The following ZNF845 variants were observed in gnomAD, a reference collection of about 807,000 sequenced individuals.
ZNF845 encodes zinc finger protein 845.
ZNF845 carries 59 observed loss-of-function variants against 76.1 expected under a neutral mutation model. The observed-to-expected ratio is 0.78, with a 90% confidence interval of 0.63 to 0.96. The LOEUF is 0.96. ZNF845 is among the 40% of genes least tolerant of loss of function. The probability of loss-of-function intolerance (pLI) is 0.00; values close to 1 mark genes in which losing one functional copy is unlikely to be tolerated. For missense variants in ZNF845, 1,045 were observed against 1,172.8 expected (o/e 0.89, Z 1.59); for synonymous variants, 361 against 386.9 (o/e 0.93, Z 0.78).
intron 3 of ZNF845, among the ~76,000 whole-genome samples, chr19:53,347,839 G>A (rs1044543852): frequency 1.3e-5 from 2 of 152,134 alleles, no homozygotes; most frequent in African/African-American, 4.8e-5. Flanking sequence ...ATCACTTGAA[G>A]TCAGGAGTTT....
At chr19:53,346,435 C>T (rs1036758069) in intron 3 of ZNF845, 2 of 384,758 alleles carry the variant, frequency 5.2e-6, no homozygotes, top group East Asian at 1.0e-4. Context: ...AATCCCGGCA[C>T]TTTGGGAGGC....
At chr19:53,347,692 C>G (rs1329104802) in intron 3 of ZNF845, among the ~76,000 whole-genome samples, 1 of 152,154 alleles carries the variant, frequency 6.6e-6, no homozygotes, top group South Asian at 2.1e-4. Flanking sequence ...GATTTGTCAG[C>G]CTTCGGTGAT....
intron 3 of ZNF845, chr19:53,346,388 C>T: frequency 2.3e-6 from 1 of 427,188 alleles, no homozygotes; most frequent in South Asian, 1.6e-5. Context: ...CGCTCTCGTG[C>T]TCAAAAAATT....
chr19:53,339,732 C>T (rs140091637), intron 1 of ZNF845, among the ~76,000 whole-genome samples: 1 of 152,198 alleles, frequency 6.6e-6, no homozygotes, highest in African/African-American at 2.4e-5. Context: ...AGGGGACATA[C>T]TAGTATCACT....
At chr19:53,337,630 G>T (rs1181498209) in intron 1 of ZNF845, among the ~76,000 whole-genome samples, 1 of 151,938 alleles carries the variant, frequency 6.6e-6, no homozygotes, top group African/African-American at 2.4e-5. Flanking sequence ...GTGCAGTGGC[G>T]TAATCATGGT....
Position 53,354,259 on chromosome 19 carries a change from G to T in ZNF845, c.*671G>T. 2.1e-6 allele frequency: 1 copy of T among 478,596 alleles called. No homozygotes were observed. The highest frequency in any genetic ancestry group is 1.6e-5 in the South Asian group (1 of 62,834). The allele number at this position is 478,596 out of a possible 1,614,324, so 29.6% of individuals were successfully genotyped here. On this transcript the variant is annotated 3_prime_UTR_variant, in exon 4 of 4. Coordinates refer to ENST00000458035, the MANE Select transcript of ZNF845 (RefSeq NM_138374.3). ...CATTTTTGAGATGATTGTTCCAAAT[G>T]CAATGAGTATAGCAAACCATCAAGC...
rs1164786177 is a variant in ZNF845 at position 53,354,624 on chromosome 19, T to TA, written c.*1037dup. 6.5e-6 allele frequency: 1 copy of TA among 153,402 alleles called. No homozygotes were observed. Among genetic ancestry groups the TA allele is most frequent in the East Asian group, 1.9e-4 (1 of 5,202 alleles). The allele number at this position is 153,402 out of a possible 1,614,324, so 9.5% of individuals were successfully genotyped here. A position where few individuals can be genotyped will look rare whatever the true frequency, so the allele number is the denominator to read the frequency against. On this transcript the variant is annotated 3_prime_UTR_variant, in exon 4 of 4. Coordinates refer to ENST00000458035, the MANE Select transcript of ZNF845 (RefSeq NM_138374.3). ...AATATTAAGACTTCCAATCCATCAA[T>TA]ATGGGTTGTATGTCTATTTAGTTTT...
intron 2 of ZNF845, among the ~76,000 whole-genome samples, chr19:53,342,114 A>T (rs963413323): frequency 2.0e-5 from 3 of 150,432 alleles, no homozygotes; most frequent in Non-Finnish European, 1.5e-5. Context: ...ATATTATTAT[A>T]ATATTATTAT....
In ZNF845 at chr19:53,351,098, A is replaced by T. The variant is rs61743334; in HGVS notation, c.423A>T (p.Gly141=). The T allele has an allele frequency of 1.2e-6, 2 of 1,614,236 alleles. No homozygotes were observed. Among genetic ancestry groups the T allele is most frequent in the Non-Finnish European group, 1.7e-6 (2 of 1,180,040 alleles). Reference sequence around the variant, plus strand: ...ACAAGCCTATTAAAGATCAGCTTGGATCAAGCTTTCATTCGCATCTGCCTG... The same window carrying T: ...ACAAGCCTATTAAAGATCAGCTTGGTTCAAGCTTTCATTCGCATCTGCCTG... ...AGNKPIKDQL[G]SSFHSHLPEL... The change falls in exon 4 of 4, where the codon GGA becomes GGT. Residue 141 remains glycine (G), a synonymous_variant. Coordinates refer to ENST00000458035, the MANE Select transcript of ZNF845 (RefSeq NM_138374.3).
rs1336622117 is a variant in ZNF845 at position 53,353,951 on chromosome 19, C to A, written c.*363C>A. On this transcript the variant is annotated 3_prime_UTR_variant, in exon 4 of 4. Transcript: ENST00000458035. Reference sequence around the variant, plus strand: ...TAATAAATGTGGCAAATTTTTCAGACATTGTTCATACCTTGCAGTTCATCG... The same window carrying A: ...TAATAAATGTGGCAAATTTTTCAGAAATTGTTCATACCTTGCAGTTCATCG... 3 of 622,098 alleles carry A rather than the reference C, an allele frequency of 4.8e-6. No homozygotes were observed. Among genetic ancestry groups the A allele is most frequent in the Non-Finnish European group, 5.3e-6 (2 of 379,286 alleles). The allele number at this position is 622,098 out of a possible 1,614,324, so 38.5% of individuals were successfully genotyped here.
Position 53,351,842 on chromosome 19 carries a change from C to T in ZNF845, c.1167C>T (p.Ser389=). The change falls in exon 4 of 4, where the codon AGC becomes AGT. Residue 389 remains serine (S), a synonymous_variant. Coordinates refer to ENST00000458035, the MANE Select transcript of ZNF845 (RefSeq NM_138374.3). ...GEKPYKCNEC[S]RTFSRKSSLT... is the part of the protein sequence containing the mutation. ...AACCTTACAAGTGTAATGAATGCAG[C>T]AGGACCTTTAGTCGGAAGTCATCCC... 1 of 1,613,360 alleles carries T rather than the reference C, an allele frequency of 6.2e-7. No homozygotes were observed. The highest frequency in any genetic ancestry group is 2.2e-5 in the East Asian group (1 of 44,828).
intron 1 of ZNF845, chr19:53,340,906 C>T (rs1461639959): frequency 1.3e-5 from 5 of 391,298 alleles, no homozygotes; most frequent in East Asian, 3.7e-5. Context: ...TGCTGGAACT[C>T]GCTGGCCCCT....
intron 1 of ZNF845, chr19:53,337,040 C>T (rs2085220208): frequency 8.8e-6 from 4 of 453,920 alleles, no homozygotes; most frequent in South Asian, 6.2e-5. Flanking sequence ...AAGCCCAACT[C>T]CTCACTGTGG....
At chr19:53,347,505 G>C (rs1210779222) in intron 3 of ZNF845, among the ~76,000 whole-genome samples, 1 of 151,514 alleles carries the variant, frequency 6.6e-6, no homozygotes, top group Non-Finnish European at 1.5e-5. Context: ...GGTGCTGAAA[G>C]GATGGTGCTG....
intron 1 of ZNF845, among the ~76,000 whole-genome samples, chr19:53,334,143 C>A (rs1200397067): frequency 6.6e-6 from 1 of 152,204 alleles, no homozygotes; most frequent in Admixed American, 6.5e-5. Flanking sequence ...CTTAAGGCGC[C>A]GTCGCCCCCC....
At chr19:53,342,955 A>G (rs1191375116) in intron 2 of ZNF845, among the ~76,000 whole-genome samples, 2 of 152,074 alleles carry the variant, frequency 1.3e-5, no homozygotes, top group Admixed American at 6.6e-5. Flanking sequence ...AGTAGGTGAC[A>G]TTACAGGTGC....
chr19:53,337,838 T>A (rs2085226409), intron 1 of ZNF845, among the ~76,000 whole-genome samples: 1 of 143,952 alleles, frequency 6.9e-6, no homozygotes, highest in African/African-American at 3.0e-5. Flanking sequence ...AGTGCTAGGG[T>A]ACAGGTATGA....
chr19:53,342,913 G>GGT (rs983298953), intron 2 of ZNF845, among the ~76,000 whole-genome samples: 6 of 152,164 alleles, frequency 3.9e-5, no homozygotes, highest in African/African-American at 1.4e-4. Context: ...CTGCCTCCCA[G>GGT]GTTCAGGCGA....
At chr19:53,345,996 C>A (rs1294694905) in intron 3 of ZNF845, among the ~76,000 whole-genome samples, 6 of 151,818 alleles carry the variant, frequency 4.0e-5, no homozygotes, top group Non-Finnish European at 8.8e-5. Flanking sequence ...GGTGCCAACC[C>A]CCATACCTAA....
Sources: gnomAD v4.1 joint callset for allele counts (sites outside exome capture counted in the v4.1 genomes callset) on GRCh38, gnomAD v4.1.1 for gene constraint, MANE v1.5 for transcripts, NCBI Gene and HGNC (gene_info 2026-07-23, HGNC 2026-07-21) for gene names.